Variants in ABI2 observed in about 807,000 individuals in gnomAD.
ABI2 encodes the protein abl interactor 2, also known as abelson interactor 2.
Under a neutral mutation model 59.2 loss-of-function variants are expected in ABI2, and 25 were observed. That is an observed-to-expected ratio of 0.42 (90% confidence interval 0.31 to 0.59). The LOEUF (loss-of-function observed/expected upper bound fraction) is 0.59, where lower values mean the gene tolerates loss of function less well. Among genes scored for constraint, ABI2 ranks in the 20% least tolerant of loss-of-function variants. ABI2 has a pLI of 0.14. For synonymous variants in ABI2, 213 were observed against 235.5 expected, an observed-to-expected ratio of 0.90 and a Z score of 0.87; for missense variants, 545 against 681.8, an observed-to-expected ratio of 0.80 and a Z score of 2.23.
intron 2 of ABI2, chr2:203,376,246 A>G (rs1318931041): frequency 2.8e-6 from 2 of 704,962 alleles, no homozygotes; most frequent in East Asian, 2.8e-5. Context: ...GTCACATCTC[A>G]TGGTGGGGGA....
At chr2:203,391,187 G>C (rs1340922854) in intron 5 of ABI2, 44 bp downstream of exon 5, 1 of 1,320,418 alleles carries the variant, frequency 7.6e-7, no homozygotes, top group African/African-American at 1.5e-5. Context: ...ATGTAGTATT[G>C]TTTAAAAATG....
At chr2:203,425,228 A>C (rs746240493) in intron 11 of ABI2, among the ~76,000 whole-genome samples, 12 of 151,248 alleles carry the variant, frequency 7.9e-5, no homozygotes, top group East Asian at 1.9e-4. Flanking sequence ...TTTTTCTTTT[A>C]TTTTTCTTTT....
intron 8 of ABI2, among the ~76,000 whole-genome samples, chr2:203,398,427 T>C (rs981238371): frequency 1.3e-5 from 2 of 152,228 alleles, no homozygotes; most frequent in Non-Finnish European, 2.9e-5. Context: ...ACATTTGTTA[T>C]GTGAGGGGAT....
chr2:203,365,693 GATCT>G (rs1238406098), intron 1 of ABI2, among the ~76,000 whole-genome samples: 4 of 122,150 alleles, frequency 3.3e-5, no homozygotes, highest in Non-Finnish European at 6.3e-5. Context: ...ACAGTGCCAT[GATCT>G]TGGCTCACTG....
intron 3 of ABI2, 29 bp from the exon 4 acceptor site, chr2:203,382,160 T>G (rs1200710856): frequency 6.6e-7 from 1 of 1,518,774 alleles, no homozygotes; most frequent in Admixed American, 2.1e-5. Flanking sequence ...TTTCCTTACC[T>G]CTTTTATTTG....
At chr2:203,409,105 T>A (rs1161711159) in intron 9 of ABI2, among the ~76,000 whole-genome samples, 2 of 152,044 alleles carry the variant, frequency 1.3e-5, no homozygotes, top group Non-Finnish European at 2.9e-5. Flanking sequence ...CCCAAAGTGC[T>A]GGGATTACAG....
At chr2:203,393,346 C>T (rs1239839248) in intron 5 of ABI2, among the ~76,000 whole-genome samples, 1 of 152,248 alleles carries the variant, frequency 6.6e-6, no homozygotes, top group Non-Finnish European at 1.5e-5. Flanking sequence ...TGAGCCACTG[C>T]ACCCGGCTGC....
At chr2:203,426,799 A>C (rs1054266595) in intron 11 of ABI2, among the ~76,000 whole-genome samples, 9 of 151,818 alleles carry the variant, frequency 5.9e-5, no homozygotes, top group South Asian at 4.2e-4. Flanking sequence ...AAAAAAAAAA[A>C]AAAAACCACA....
chr2:203,331,081 G>A (rs1201664773), intron 1 of ABI2, among the ~76,000 whole-genome samples: 1 of 152,048 alleles, frequency 6.6e-6, no homozygotes, highest in African/African-American at 2.4e-5. Context: ...CTTCAGTTTA[G>A]CATCTGAAGT....
At chr2:203,408,833 C>CTTTCTTTTTTTTTTTT (rs1259310860) in intron 9 of ABI2, among the ~76,000 whole-genome samples, 64 of 87,212 alleles carry the variant, frequency 7.3e-4, no homozygotes, top group South Asian at 2.6e-3. Flanking sequence ...CTTCTCCTTT[C>CTTTCTTTTTTTTTTTT]TTTTTTTTTT....
chr2:203,422,170 T>C (rs1330219799), intron 11 of ABI2, among the ~76,000 whole-genome samples: 3 of 152,042 alleles, frequency 2.0e-5, no homozygotes, highest in African/African-American at 7.2e-5. Flanking sequence ...TGGTGGTGCA[T>C]GCCTGTAGTT....
rs1045234379 is a variant in ABI2, at chr2:203,429,534, G to C, written c.*2182G>C. ...AGCACTTTCGGAGGCCGAGGTGGGT[G>C]GATCATGAGGTCAATAAATTGAGAC... On this transcript the variant is annotated 3_prime_UTR_variant, in exon 12 of 12. Transcript: ENST00000261018. The C allele has an allele frequency of 2.6e-5, 4 of 152,110 alleles. No individual in the cohort carries two copies. Among genetic ancestry groups the C allele is most frequent in the Admixed American group, 6.5e-5 (1 of 15,276 alleles). 9.4% of individuals were successfully genotyped at this position (152,110 alleles called of 1,614,324 possible).
In ABI2 at chr2:203,402,724, C is replaced by T; in HGVS notation, c.1182C>T (p.Ser394=). Residue 394 remains serine (S), a synonymous_variant, in exon 9 of 12, where the codon AGC becomes AGT. Transcript: ENST00000261018. The part of the protein sequence containing the change: ...QNQMNGGPFY[S]QNPVSLAPPP... ...AGATGAATGGAGGACCTTTTTATAG[C>T]CAGAATCCAGGTTAGTTTTTTTGTT... 6.3e-7 allele frequency: 1 copy of T among 1,578,822 alleles called. No homozygotes were observed.
At position 203,420,570 on chromosome 2, in the gene ABI2, T is replaced by A. The variant is rs572806219; in HGVS notation, c.1453+3489T>A. 2.0e-5 allele frequency among the ~76,000 whole-genome samples: 3 copies of A among 152,218 alleles called. No individual in the cohort carries two copies. In the East Asian group the frequency reaches 5.8e-4, roughly 29 times the overall value. On this transcript the variant is annotated intron_variant, in intron 11 of 11. Coordinates refer to ENST00000261018, the MANE Select transcript of ABI2 (RefSeq NM_001375670.1). ...CAGCACACCCGGCTAATTTTTTGTA[T>A]TTTTAGTAGAGACAGGGTTTCACCA...
intron 1 of ABI2, among the ~76,000 whole-genome samples, chr2:203,345,397 T>G (rs2082724495): frequency 6.6e-6 from 1 of 152,060 alleles, no homozygotes. Flanking sequence ...ACTGTAACAT[T>G]CACGGCGAGG....
chr2:203,380,376 G>T lies in ABI2; in HGVS notation c.454G>T (p.Gly152Ter). 1 of 1,530,874 alleles carries T rather than the reference G, an allele frequency of 6.5e-7. No individual in the cohort carries two copies. The highest frequency in any genetic ancestry group is 2.4e-5 in the East Asian group (1 of 40,938). The allele number at this position is 1,530,874 out of a possible 1,614,324, so 94.8% of individuals were successfully genotyped here. The change falls in exon 3 of 12, where the codon GGA becomes TGA. Residue 152 changes from glycine (G) to a stop codon, truncating the protein, a stop_gained. Transcript: ENST00000261018. LOFTEE classifies it high-confidence loss of function. ...TACAATTCTAGATGATATTGGACAT[G>T]GAGTAAAGGTAGGTATAATTTTTTT... is the stretch of plus-strand genomic sequence containing the variant. ...DYTILDDIGHGVKWLLRFKVS... is the reference protein window; with the variant it reads ...DYTILDDIGH
chr2:203,384,290 GTTTTTTTTTTTTTT>G (rs796117154), intron 4 of ABI2, among the ~76,000 whole-genome samples: 1 of 26,110 alleles, frequency 3.8e-5, no homozygotes, highest in African/African-American at 1.6e-4. Flanking sequence ...TTTTGTTTTT[GTTTTTTTTTTTTTT>G]TTTTTTTTTT....
At chr2:203,374,770 A>T (rs1001182085) in intron 2 of ABI2, 1 of 439,128 alleles carries the variant, frequency 2.3e-6, no homozygotes, top group Admixed American at 2.4e-5. Flanking sequence ...AGACATATTT[A>T]AAAACACCCA....
intron 11 of ABI2, among the ~76,000 whole-genome samples, chr2:203,420,737 A>G (rs2098163774): frequency 6.6e-6 from 1 of 152,152 alleles, no homozygotes; most frequent in South Asian, 2.1e-4. Flanking sequence ...AAAAGTCAGC[A>G]TGGATGCTCT....
Sources: allele counts gnomAD v4.1 joint callset (sites outside exome capture counted in the v4.1 genomes callset), GRCh38; gene constraint gnomAD v4.1.1; transcripts MANE v1.5; gene names NCBI Gene and HGNC (gene_info 2026-07-23, HGNC 2026-07-21).